Variants in RNLS observed in about 807,000 individuals in gnomAD.
RNLS encodes the protein renalase, FAD dependent amine oxidase, also known as renalase.
In RNLS, 39 loss-of-function variants were observed where a neutral mutation model predicts 39.8. That is an observed-to-expected ratio of 0.98 (90% CI 0.76 to 1.28). The LOEUF is 1.28. RNLS is among the 50% of genes most tolerant of loss of function. RNLS has a pLI of 0.00. For synonymous variants in RNLS, 147 were observed against 150.7 expected (o/e 0.98, Z 0.18); for missense variants, 410 against 413.3 (o/e 0.99, Z 0.07).
chr10:88,214,746 T>C, the RNLS span, among the ~76,000 whole-genome samples: 1 of 152,214 alleles, frequency 6.6e-6, no homozygotes, highest in African/African-American at 2.4e-5. Context: ...AATTAATATG[T>C]CATTTTGCTT....
chr10:88,323,752 A>C (rs868722674), intron 5 of RNLS, among the ~76,000 whole-genome samples: 1 of 152,096 alleles, frequency 6.6e-6, no homozygotes, highest in Non-Finnish European at 1.5e-5. Context: ...AAACAGACAA[A>C]TGGGATTTAA....
chr10:88,177,315 A>G, the RNLS span, among the ~76,000 whole-genome samples: 1 of 152,148 alleles, frequency 6.6e-6, no homozygotes, highest in Admixed American at 6.5e-5. Flanking sequence ...TTATTTTAAA[A>G]ACCATCCTTC....
chr10:88,295,098 G>A (rs995981102), intron 6 of RNLS, among the ~76,000 whole-genome samples: 3 of 151,978 alleles, frequency 2.0e-5, no homozygotes, highest in Non-Finnish European at 4.4e-5. Context: ...TCAGATTTTT[G>A]TAGTGAAGTA....
chr10:88,315,091 A>C, intron 5 of RNLS, among the ~76,000 whole-genome samples: 1 of 152,328 alleles, frequency 6.6e-6, no homozygotes, highest in East Asian at 1.9e-4. Context: ...GGGTTGAAAT[A>C]TATTTTGTTG....
chr10:88,285,190 A>T lies in RNLS; in HGVS notation c.*164T>A, dbSNP rs1843180477. On this transcript the variant is annotated 3_prime_UTR_variant, in exon 7 of 7. Coordinates refer to ENST00000331772, the MANE Select transcript of RNLS (RefSeq NM_001031709.3). ...TTCCATTCTAGCATGGGTTGTAACT[A>T]TCAAAATTACAAAATTGATTTTATA... 1 of 1,347,488 alleles carries T rather than the reference A, an allele frequency of 7.4e-7. No individual in the cohort carries two copies. Among genetic ancestry groups the T allele is most frequent in the Non-Finnish European group, 9.5e-7 (1 of 1,050,832 alleles). 83.5% of individuals were successfully genotyped at this position (1,347,488 alleles called of 1,614,324 possible).
intron 4 of RNLS, among the ~76,000 whole-genome samples, chr10:88,561,017 C>A (rs1333596372): frequency 6.6e-6 from 1 of 152,074 alleles, no homozygotes; most frequent in Non-Finnish European, 1.5e-5. Context: ...AACTCTCTAG[C>A]ACCACAGGTG....
At chr10:88,548,002 C>G (rs890482313) in intron 4 of RNLS, among the ~76,000 whole-genome samples, 6 of 151,972 alleles carry the variant, frequency 3.9e-5, no homozygotes, top group African/African-American at 1.4e-4. Flanking sequence ...TGGCTCACGC[C>G]TGTAATCCCA....
the RNLS span, among the ~76,000 whole-genome samples, chr10:88,247,585 A>T: frequency 2.6e-5 from 4 of 152,318 alleles, no homozygotes; most frequent in East Asian, 7.7e-4. Flanking sequence ...TGTGGTAAGG[A>T]TTAAGTGAAG....
At chr10:88,216,606 G>A in the RNLS span, among the ~76,000 whole-genome samples, 1 of 152,124 alleles carries the variant, frequency 6.6e-6, no homozygotes, top group African/African-American at 2.4e-5. Context: ...CTAAATTAAC[G>A]GCTGAAAGCA....
At chr10:88,431,427 T>C (rs1489240327) in intron 4 of RNLS, among the ~76,000 whole-genome samples, 1 of 151,676 alleles carries the variant, frequency 6.6e-6, no homozygotes, top group Non-Finnish European at 1.5e-5. Flanking sequence ...GAAGCAAATT[T>C]TGGTTTCACT....
At chr10:88,176,739 ATTG>A in the RNLS span, among the ~76,000 whole-genome samples, 3 of 151,764 alleles carry the variant, frequency 2.0e-5, no homozygotes, top group Non-Finnish European at 4.4e-5. Context: ...AATGGTAGAT[ATTG>A]TTCTTTTGCT....
At chr10:88,488,843 G>A (rs187468093) in intron 4 of RNLS, among the ~76,000 whole-genome samples, 56 of 152,262 alleles carry the variant, frequency 3.7e-4, no homozygotes, top group African/African-American at 4.8e-4. Flanking sequence ...TCATAGTTGC[G>A]AATGGCAAAG....
At chr10:88,415,450 A>C (rs1241979764) in intron 4 of RNLS, among the ~76,000 whole-genome samples, 2 of 152,224 alleles carry the variant, frequency 1.3e-5, no homozygotes, top group Non-Finnish European at 2.9e-5. Context: ...CATCCTATTT[A>C]TTAGACTGGT....
chr10:88,222,531 G>C, the RNLS span, among the ~76,000 whole-genome samples: 2 of 151,964 alleles, frequency 1.3e-5, no homozygotes, highest in African/African-American at 4.8e-5. Context: ...TATACCTTAG[G>C]GGTTTGTCAT....
chr10:88,417,310 A>G (rs760348388), intron 4 of RNLS, among the ~76,000 whole-genome samples: 12 of 152,184 alleles, frequency 7.9e-5, no homozygotes, highest in African/African-American at 1.2e-4. Flanking sequence ...CAAATTTTTT[A>G]AATTTGGTGT....
chr10:88,345,958 A>C (rs1848273507), intron 5 of RNLS, among the ~76,000 whole-genome samples: 1 of 152,106 alleles, frequency 6.6e-6, no homozygotes, highest in South Asian at 2.1e-4. Context: ...ATTTTTTACC[A>C]CTCATAATAA....
At chr10:88,432,341 C>T (rs1026767755) in intron 4 of RNLS, among the ~76,000 whole-genome samples, 5 of 151,762 alleles carry the variant, frequency 3.3e-5, no homozygotes, top group Admixed American at 2.6e-4. Context: ...TTAATCTAGC[C>T]GTATCTTTAT....
intron 5 of RNLS, among the ~76,000 whole-genome samples, chr10:88,330,159 A>C (rs546548037): frequency 1.5e-4 from 23 of 149,126 alleles, no homozygotes; most frequent in African/African-American, 5.6e-4. Context: ...CTCTCTCTAT[A>C]TATATTTCTT....
intron 4 of RNLS, among the ~76,000 whole-genome samples, chr10:88,456,425 G>C (rs1842630958): frequency 6.6e-6 from 1 of 151,956 alleles, no homozygotes. Flanking sequence ...GTAAAAATAT[G>C]AGTATGAGAA....
Sources: allele counts gnomAD v4.1 joint callset (sites outside exome capture counted in the v4.1 genomes callset), GRCh38; gene constraint gnomAD v4.1.1; transcripts MANE v1.5; gene names NCBI Gene and HGNC (gene_info 2026-07-23, HGNC 2026-07-21).